Variants in RPN1 observed in about 807,000 individuals in gnomAD.
The protein encoded by RPN1 is ribophorin I, also known as dolichyl-diphosphooligosaccharide--protein glycosyltransferase subunit 1.
A neutral mutation model predicts 55.5 loss-of-function variants in RPN1; 12 were observed. The observed-to-expected ratio is 0.22, with a 90% CI of 0.14 to 0.35. The LOEUF is 0.35. Among genes scored for constraint, RPN1 ranks in the 10% least tolerant of loss-of-function variants. RPN1 has a pLI of 1.00. For missense variants in RPN1, 679 were observed against 761.3 expected, an observed-to-expected ratio of 0.89 and a Z score of 1.27; for synonymous variants, 317 against 305.9, an observed-to-expected ratio of 1.04 and a Z score of -0.38.
chr3:128,647,563 G>A (rs770052126), intron 1 of RPN1, among the ~76,000 whole-genome samples: 4 of 152,010 alleles, frequency 2.6e-5, no homozygotes, highest in South Asian at 2.1e-4. Flanking sequence ...GTAGTGGTGC[G>A]CACATGTAGT....
chr3:128,648,324 G>A (rs1285473625), intron 1 of RPN1, among the ~76,000 whole-genome samples: 3 of 152,154 alleles, frequency 2.0e-5, no homozygotes, highest in Non-Finnish European at 4.4e-5. Context: ...GAACCTGGGA[G>A]GCAGAGGTTG....
chr3:128,626,998 C>A, intron 5 of RPN1, 166 bp from the exon 6 acceptor site: 1 of 610,238 alleles, frequency 1.6e-6, no homozygotes, highest in South Asian at 1.9e-5. Context: ...CTCTACTGAA[C>A]CCCACAACAC....
chr3:128,646,825 T>C (rs1214158028), intron 1 of RPN1, among the ~76,000 whole-genome samples: 1 of 151,360 alleles, frequency 6.6e-6, no homozygotes, highest in Admixed American at 6.6e-5. Context: ...ATAAAAAAAT[T>C]AGCTGGGTGT....
At chr3:128,631,829 A>G in intron 4 of RPN1, 119 bp downstream of exon 4, 1 of 1,029,192 alleles carries the variant, frequency 9.7e-7, no homozygotes, top group South Asian at 1.5e-5. Flanking sequence ...AATCAACAAG[A>G]TGAACATCAG....
In RPN1 at chr3:128,650,768, G is replaced by A. The variant is rs2069813300; in HGVS notation, c.33C>T (p.Leu11=). 2.6e-6 allele frequency: 4 copies of A among 1,544,834 alleles called. No homozygotes were observed. Among genetic ancestry groups the A allele is most frequent in the Non-Finnish European group, 1.7e-6 (2 of 1,143,574 alleles). Residue 11 remains leucine, a synonymous_variant, in exon 1 of 10, where the codon CTC becomes CTT. Transcript: ENST00000296255. ...CCGGGGCCCAAGTCCCAAGCAACAGGAGCAGAAACAAGCCGGCGGCTGGCG... is the reference window on the plus strand; with the variant it reads ...CCGGGGCCCAAGTCCCAAGCAACAGAAGCAGAAACAAGCCGGCGGCTGGCG... The part of the protein sequence containing the change: MEAPAAGLFL[L]LLLGTWAPAP...
intron 7 of RPN1, 25 bp downstream of exon 7, chr3:128,625,849 G>A: frequency 6.3e-7 from 1 of 1,597,862 alleles, no homozygotes. Context: ...AGACGCCATG[G>A]AAGGCAAACA....
intron 5 of RPN1, among the ~76,000 whole-genome samples, chr3:128,629,479 T>C (rs1279686217): frequency 6.6e-6 from 1 of 152,028 alleles, no homozygotes; most frequent in African/African-American, 2.4e-5. Flanking sequence ...GGAGAATCGC[T>C]TGAACCAGGA....
intron 6 of RPN1, 93 bp from the exon 7 acceptor site, chr3:128,626,105 C>G (rs928808839): frequency 1.6e-6 from 2 of 1,276,812 alleles, no homozygotes; most frequent in African/African-American, 3.0e-5. Flanking sequence ...AGGAGCCTTT[C>G]AAGATCACTA....
At chr3:128,644,670 T>C in intron 2 of RPN1, 2 of 592,144 alleles carry the variant, frequency 3.4e-6, no homozygotes, top group Non-Finnish European at 6.2e-6. Context: ...AAAAAAAAAA[T>C]CCTCTAGGAC....
intron 2 of RPN1, 75 bp downstream of exon 2, chr3:128,644,844 A>T (rs2069754872): frequency 2.4e-6 from 2 of 842,218 alleles, no homozygotes; most frequent in Non-Finnish European, 4.1e-6. Context: ...CAACTCTCCT[A>T]GTTTATGATC....
chr3:128,649,136 C>T (rs1377577200), intron 1 of RPN1, among the ~76,000 whole-genome samples: 4 of 152,090 alleles, frequency 2.6e-5, no homozygotes, highest in African/African-American at 9.7e-5. Flanking sequence ...GTTTATTACC[C>T]GGATTGTGGT....
At position 128,625,612 on chromosome 3, in the gene RPN1, G is replaced by T. The variant is rs1206447937; in HGVS notation, c.1317C>A (p.Pro439=). The T allele has an allele frequency of 6.2e-7, 1 of 1,614,078 alleles. No individual in the cohort carries two copies. The part of the protein sequence containing the change: ...TFNKVLMLQE[P]LLVVAAFYIL... ...TGTAGAAGGCCGCCACCACCAGCAG[G>T]GGCTCCTGCAGCATGAGCACCTTGT... Residue 439 remains proline (P), a synonymous_variant, in exon 8 of 10, where the codon CCC becomes CCA. Coordinates refer to ENST00000296255, the MANE Select transcript of RPN1 (RefSeq NM_002950.4).
chr3:128,648,415 G>C (rs901866444), intron 1 of RPN1, among the ~76,000 whole-genome samples: 1 of 151,594 alleles, frequency 6.6e-6, no homozygotes, highest in Non-Finnish European at 1.5e-5. Flanking sequence ...ACAAAAATTA[G>C]CCAGGCGTGG....
chr3:128,638,267 G>A (rs1306596829), intron 2 of RPN1, among the ~76,000 whole-genome samples, 162 bp from the exon 3 acceptor site: 1 of 152,154 alleles, frequency 6.6e-6, no homozygotes, highest in African/African-American at 2.4e-5. Context: ...TATCACTCAG[G>A]CTGGAGTGCA....
intron 1 of RPN1, 148 bp from the exon 2 acceptor site, chr3:128,645,131 T>C (rs919597061): frequency 6.5e-6 from 4 of 617,482 alleles, no homozygotes; most frequent in African/African-American, 5.6e-5. Context: ...CAGTAACAAT[T>C]TTTTTTTCTC....
intron 2 of RPN1, 155 bp downstream of exon 2, chr3:128,644,764 G>T: frequency 1.5e-6 from 1 of 647,108 alleles, no homozygotes; most frequent in Non-Finnish European, 2.8e-6. Flanking sequence ...TTCAAGACCA[G>T]CCTGGGCAAC....
chr3:128,632,735 C>T (rs2107716514), intron 3 of RPN1, among the ~76,000 whole-genome samples: 1 of 152,292 alleles, frequency 6.6e-6, no homozygotes. Context: ...GCTGGGATTA[C>T]AGGCGTGTGC....
chr3:128,627,643 T>C (rs372055990), intron 5 of RPN1, among the ~76,000 whole-genome samples: 1 of 151,526 alleles, frequency 6.6e-6, no homozygotes, highest in Admixed American at 6.6e-5. Flanking sequence ...TGGTGGCACA[T>C]GCCTGTAATC....
chr3:128,623,555 T>TC (rs926767039), intron 8 of RPN1, among the ~76,000 whole-genome samples: 10 of 150,872 alleles, frequency 6.6e-5, no homozygotes, highest in Non-Finnish European at 1.5e-4. Context: ...AAAACATTTT[T>TC]TTAATTAGCT....
Sources: gnomAD v4.1 joint callset for allele counts (sites outside exome capture counted in the v4.1 genomes callset) on GRCh38, gnomAD v4.1.1 for gene constraint, MANE v1.5 for transcripts, NCBI Gene and HGNC (gene_info 2026-07-23, HGNC 2026-07-21) for gene names.